Variants in NUP214 observed in about 807,000 individuals in gnomAD.
The protein encoded by NUP214 is nucleoporin 214, also known as nuclear pore complex protein Nup214.
A neutral mutation model predicts 196.2 loss-of-function variants in NUP214; 79 were observed. The observed-to-expected ratio is 0.40, with a 90% CI of 0.34 to 0.49. NUP214 has a LOEUF of 0.49. Among genes scored for constraint, NUP214 ranks in the 20% least tolerant of loss-of-function variants. The probability of loss-of-function intolerance (pLI) is 0.58; values close to 1 mark genes in which losing one functional copy is unlikely to be tolerated. For synonymous variants in NUP214, 1,020 were observed against 990.5 expected (o/e 1.03, Z -0.56); for missense variants, 2,468 against 2,539.0 (o/e 0.97, Z 0.60).
In NUP214 at chr9:131,197,747, G is replaced by C; in HGVS notation, c.4253G>C (p.Ser1418Thr). ...GTTTTTGGCAGTCTGCCAGTCACCA[G>C]TGCAGGATCCTCTGGGGTCATCAGT... is the stretch of plus-strand genomic sequence containing the variant. ...TAVFGSLPVT[S>T]AGSSGVISFG... The change falls in exon 29 of 36, where the codon AGT (serine) becomes ACT (threonine). Residue 1418 changes from serine (S) to threonine (T), a missense_variant. Physicochemically the swap from Ser to Thr is moderately conservative, Grantham distance 58 (BLOSUM62 1). Coordinates refer to ENST00000359428, the MANE Select transcript of NUP214 (RefSeq NM_005085.4). 1 of 1,614,208 alleles carries C rather than the reference G, an allele frequency of 6.2e-7. No individual in the cohort carries two copies. Among genetic ancestry groups the C allele is most frequent in the East Asian group, 2.2e-5 (1 of 44,876 alleles).
In NUP214 at chr9:131,132,406, A is replaced by G. The variant is rs181290163; in HGVS notation, c.664-190A>G. On this transcript the variant is annotated intron_variant, in intron 5 of 35. Coordinates refer to ENST00000359428, the MANE Select transcript of NUP214 (RefSeq NM_005085.4). ...TGAGATTACAGGCATGAGTCACCAC[A>G]CCCAGCCACGTTCATGGGTTTCTGT... is the stretch of plus-strand genomic sequence containing the variant. Among the ~76,000 whole-genome samples, 506 of 152,150 alleles carry G rather than the reference A, an allele frequency of 3.3e-3. 3 individuals are homozygous for G. Among genetic ancestry groups the G allele is most frequent in the Non-Finnish European group, 5.1e-3 (347 of 67,982 alleles).
chr9:131,193,034 G>T (rs1256558535), intron 27 of NUP214, among the ~76,000 whole-genome samples: 1 of 147,796 alleles, frequency 6.8e-6, no homozygotes. Context: ...ATAGGCATTT[G>T]AAATTTGAGG....
At chr9:131,212,217 T>C (rs1210945515) in intron 30 of NUP214, among the ~76,000 whole-genome samples, 1 of 152,206 alleles carries the variant, frequency 6.6e-6, no homozygotes, top group African/African-American at 2.4e-5. Context: ...TTGTCTGCTC[T>C]CAAACCCTGT....
In NUP214 at chr9:131,150,127, A is replaced by C. The variant is rs1832212744; in HGVS notation, c.2041-197A>C. On this transcript the variant is annotated intron_variant, in intron 14 of 35. Coordinates refer to ENST00000359428, the MANE Select transcript of NUP214 (RefSeq NM_005085.4). ...TAAGTTCCATAAGAGTTGGGCCCTC[A>C]TCTACTTGTTCACCTCTACCTGCAC... 3.3e-5 allele frequency: 17 copies of C among 516,300 alleles called. No homozygotes were observed. In the East Asian group the frequency reaches 5.1e-4, roughly 15 times the overall value. 32.0% of individuals were successfully genotyped at this position (516,300 alleles called of 1,614,324 possible).
At chr9:131,176,679 T>G (rs1051360706) in intron 23 of NUP214, among the ~76,000 whole-genome samples, 9 of 152,192 alleles carry the variant, frequency 5.9e-5, no homozygotes, top group Admixed American at 1.3e-4. Context: ...AAGGAAGCGC[T>G]AATAAGTCAG....
chr9:131,150,115 A>C, intron 14 of NUP214: 1 of 489,952 alleles, frequency 2.0e-6, no homozygotes, highest in Non-Finnish European at 3.7e-6. Flanking sequence ...GTTCCATAAG[A>C]GTTGGGCCCT....
intron 33 of NUP214, chr9:131,230,219 T>G: frequency 5.3e-6 from 1 of 188,326 alleles, no homozygotes; most frequent in Admixed American, 5.4e-5. Context: ...AGAATCAAGA[T>G]CCCAAGAGGA....
chr9:131,196,551 T>C (rs1833796498), intron 28 of NUP214, among the ~76,000 whole-genome samples: 1 of 152,132 alleles, frequency 6.6e-6, no homozygotes, highest in Non-Finnish European at 1.5e-5. Context: ...AACAGCACAA[T>C]GAAGGTAGGT....
At chr9:131,133,288 G>GT (rs1831614854) in intron 7 of NUP214, 79 bp downstream of exon 7, 3 of 721,790 alleles carry the variant, frequency 4.2e-6, no homozygotes, top group East Asian at 3.2e-5. Flanking sequence ...ATTTCAAGGG[G>GT]TTTTTTTGTG....
rs369917772 is a variant in NUP214 at position 131,221,768 on chromosome 9, G to T, written c.5750-1010G>T. Among the ~76,000 whole-genome samples, 17 of 152,240 alleles carry T rather than the reference G, an allele frequency of 1.1e-4. No individual in the cohort carries two copies. The East Asian group carries it at 2.1e-3, about 19-fold the overall frequency. On this transcript the variant is annotated intron_variant, in intron 31 of 35. Coordinates refer to ENST00000359428, the MANE Select transcript of NUP214 (RefSeq NM_005085.4). ...CTTCAGGATAGCTTCTCCCTGCCTT[G>T]TGGGCATATATTCAATAAAACACCC...
intron 9 of NUP214, among the ~76,000 whole-genome samples, chr9:131,138,249 C>A (rs1831800822): frequency 6.6e-6 from 1 of 151,470 alleles, no homozygotes; most frequent in South Asian, 2.1e-4. Flanking sequence ...CTCCCCTCCC[C>A]TCCCCATAAC....
intron 30 of NUP214, among the ~76,000 whole-genome samples, chr9:131,208,250 A>G (rs969294883): frequency 2.2e-4 from 34 of 152,238 alleles, no homozygotes; most frequent in African/African-American, 8.2e-4. Flanking sequence ...ATTGAAAAAA[A>G]GGGATTCGAA....
Position 131,198,579 on chromosome 9 carries a change from C to T in NUP214, c.5085C>T (p.Ser1695=). 1.2e-6 allele frequency: 2 copies of T among 1,614,242 alleles called. No homozygotes were observed. The highest frequency in any genetic ancestry group is 8.5e-7 in the Non-Finnish European group (1 of 1,180,042). The part of the protein sequence containing the change: ...LFGQQTGSTA[S]TAAATPQVSS... ...GGCAGCAGACTGGTAGCACAGCCAGCACAGCAGCTGCCACACCACAGGTCA... is the reference window on the plus strand; with the variant it reads ...GGCAGCAGACTGGTAGCACAGCCAGTACAGCAGCTGCCACACCACAGGTCA... The change falls in exon 29 of 36, where the codon AGC becomes AGT. Residue 1695 remains serine (S), a synonymous_variant. Transcript: ENST00000359428.
At chr9:131,218,387 C>T (rs1834463316) in intron 31 of NUP214, among the ~76,000 whole-genome samples, 1 of 152,116 alleles carries the variant, frequency 6.6e-6, no homozygotes, top group Non-Finnish European at 1.5e-5. Flanking sequence ...CCACAGTACT[C>T]AGGATCGTTT....
rs766901597 is a variant in NUP214, at chr9:131,125,633, G to C, written c.-72G>C. ...CGCTGAGGGGAGGAAGTTTGCTGTC[G>C]AGCGGCCTGGGTTCCGTGGGCAAGG... On this transcript the variant is annotated 5_prime_UTR_variant, in exon 1 of 36. Transcript: ENST00000359428. The surrounding 1 kb of genome is among the most constrained non-coding windows in gnomAD (Gnocchi z 4.1). The C allele has an allele frequency of 1.3e-6, 2 of 1,537,982 alleles. No individual in the cohort carries two copies. The highest frequency in any genetic ancestry group is 1.8e-6 in the Non-Finnish European group (2 of 1,140,996).
Position 131,198,171 on chromosome 9 carries a change from T to C in NUP214, c.4677T>C (p.Ser1559=). 1 of 1,614,158 alleles carries C rather than the reference T, an allele frequency of 6.2e-7. No homozygotes were observed. The highest frequency in any genetic ancestry group is 1.3e-5 in the African/African-American group (1 of 75,036). Residue 1559 remains serine, a synonymous_variant, in exon 29 of 36, where the codon AGT becomes AGC. Transcript: ENST00000359428. ...CTGGCACTGCAGCATCTAGTACTAG[T>C]CTTGTAGCACTTTCTGCAGAGGCTA... ...SNSGTAASST[S]LVALSAEATP... is the part of the protein sequence containing the mutation.
At chr9:131,218,096 T>C (rs1227854875) in intron 31 of NUP214, among the ~76,000 whole-genome samples, 2 of 152,254 alleles carry the variant, frequency 1.3e-5, no homozygotes, top group Non-Finnish European at 2.9e-5. Context: ...CTGTTAGTCT[T>C]CATCTTCTAA....
Position 131,178,418 on chromosome 9 carries a change from C to T in NUP214, c.3419+8C>T, listed in dbSNP as rs1833175617. The T allele has an allele frequency of 5.6e-6, 9 of 1,595,418 alleles. 1 individual carries two copies. The South Asian group carries it at 8.9e-5, about 16-fold the overall frequency. On this transcript the variant is annotated splice_region_variant and intron_variant, in intron 24 of 35. Coordinates refer to ENST00000359428, the MANE Select transcript of NUP214 (RefSeq NM_005085.4). The stretch of plus-strand genomic sequence containing the variant: ...CCCTTCTACAGCCATGGGGTATGTT[C>T]TGACTGCAGTGTGTTTCAGCCCCTG...
At chr9:131,204,489 G>A (rs961792230) in intron 30 of NUP214, among the ~76,000 whole-genome samples, 2 of 152,104 alleles carry the variant, frequency 1.3e-5, no homozygotes, top group African/African-American at 2.4e-5. Flanking sequence ...CCATTGTAGT[G>A]CAGAAGCAGC....
Sources: gnomAD v4.1 joint callset for allele counts (sites outside exome capture counted in the v4.1 genomes callset) on GRCh38, gnomAD v4.1.1 for gene constraint, Gnocchi (gnomAD v3.1) non-coding constraint, MANE v1.5 for transcripts, NCBI Gene and HGNC (gene_info 2026-07-23, HGNC 2026-07-21) for gene names.